The following FBXW11 variants were observed in gnomAD, a reference collection of about 807,000 sequenced individuals.
FBXW11 encodes the protein F-box and WD repeat domain containing 11, also known as F-box/WD repeat-containing protein 11.
In FBXW11, 19 loss-of-function variants were observed where a neutral mutation model predicts 77.6. The ratio of observed to expected loss-of-function variants is 0.24; its 90% CI spans 0.17 to 0.36. FBXW11 has a LOEUF of 0.36. FBXW11 is among the 10% of genes least tolerant of loss of function. The probability of loss-of-function intolerance (pLI) is 1.00; values close to 1 mark genes in which losing one functional copy is unlikely to be tolerated. For missense variants in FBXW11, 334 were observed against 704.2 expected (o/e 0.47, Z 5.95); for synonymous variants, 235 against 249.4 (o/e 0.94, Z 0.54).
At chr5:171,901,630 C>T (rs1321066029) in intron 4 of FBXW11, among the ~76,000 whole-genome samples, 1 of 152,204 alleles carries the variant, frequency 6.6e-6, no homozygotes, top group East Asian at 1.9e-4. Flanking sequence ...AAAGGCTGCA[C>T]TGCCTTCATC....
intron 1 of FBXW11, among the ~76,000 whole-genome samples, chr5:171,991,446 G>A (rs1319290934): frequency 6.6e-6 from 1 of 152,142 alleles, no homozygotes; most frequent in African/African-American, 2.4e-5. Context: ...CAACTGACTA[G>A]CAGATAAAAT....
At chr5:171,965,540 A>T (rs547457495) in intron 1 of FBXW11, among the ~76,000 whole-genome samples, 56 of 152,100 alleles carry the variant, frequency 3.7e-4, no homozygotes, top group East Asian at 7.7e-4. Flanking sequence ...AAATAAAAAA[A>T]AAAAAAAAAA....
At chr5:171,928,550 A>G (rs1045778274) in intron 2 of FBXW11, among the ~76,000 whole-genome samples, 7 of 152,252 alleles carry the variant, frequency 4.6e-5, no homozygotes, top group African/African-American at 1.7e-4. Context: ...GCATGAAGAC[A>G]TATGTATAGA....
chr5:171,971,363 G>A (rs750017681), intron 1 of FBXW11, among the ~76,000 whole-genome samples: 1 of 152,180 alleles, frequency 6.6e-6, no homozygotes, highest in Non-Finnish European at 1.5e-5. Context: ...AACTACTGCA[G>A]AAACAGAGTA....
At chr5:171,921,864 G>A (rs951298485) in intron 2 of FBXW11, among the ~76,000 whole-genome samples, 1 of 152,026 alleles carries the variant, frequency 6.6e-6, no homozygotes, top group Non-Finnish European at 1.5e-5. Flanking sequence ...TTAGCCTCCT[G>A]AGTAGCTAGG....
chr5:171,878,480 G>A (rs1376147078), intron 7 of FBXW11, among the ~76,000 whole-genome samples: 3 of 152,086 alleles, frequency 2.0e-5, no homozygotes, highest in African/African-American at 4.8e-5. Context: ...TTGGGAGGCC[G>A]AGACAGAAGG....
rs1456966642 is a variant in FBXW11 at position 171,967,877 on chromosome 5, TATATATACACACAC to T, written c.46-10193_46-10180del. Among the ~76,000 whole-genome samples the T allele has an allele frequency of 4.8e-3, 279 of 58,604 alleles. 3 individuals are homozygous for T. The highest frequency in any genetic ancestry group is 0.014 in the African/African-American group (264 of 18,920). 38.4% of individuals were successfully genotyped at this position (58,604 alleles called of 152,430 possible). On this transcript the variant is annotated intron_variant, in intron 1 of 13. Coordinates refer to ENST00000517395, the MANE Select transcript of FBXW11 (RefSeq NM_001378974.1). ...ATGCATATATATATATATATATATA[TATATATACACACAC>T]ACACACACACACACACACACACACA... is the stretch of plus-strand genomic sequence containing the variant.
chr5:171,940,722 T>C (rs1321285992), intron 2 of FBXW11, among the ~76,000 whole-genome samples: 1 of 152,094 alleles, frequency 6.6e-6, no homozygotes, highest in African/African-American at 2.4e-5. Context: ...ACCCCGTCTG[T>C]ACTAAAAATA....
chr5:171,900,152 C>A (rs759145948), intron 4 of FBXW11, 52 bp from the exon 5 acceptor site: 13 of 1,440,882 alleles, frequency 9.0e-6, no homozygotes, highest in Non-Finnish European at 1.2e-5. Flanking sequence ...AGAAAGGTAC[C>A]AGCCATCATT....
intron 7 of FBXW11, among the ~76,000 whole-genome samples, chr5:171,883,022 T>C (rs1758628915): frequency 6.6e-6 from 1 of 151,832 alleles, no homozygotes; most frequent in African/African-American, 2.4e-5. Flanking sequence ...TACATAACAG[T>C]GAGAACATAT....
intron 1 of FBXW11, among the ~76,000 whole-genome samples, chr5:171,964,220 T>C (rs1186900294): frequency 6.6e-6 from 1 of 152,220 alleles, no homozygotes; most frequent in East Asian, 1.9e-4. Context: ...TCAGTCTAGG[T>C]CCTTTTTTCT....
chr5:171,901,700 C>T (rs1760124986), intron 4 of FBXW11, among the ~76,000 whole-genome samples: 1 of 152,184 alleles, frequency 6.6e-6, no homozygotes, highest in African/African-American at 2.4e-5. Context: ...AATCCCAGGC[C>T]TCTCCCCCAA....
chr5:171,877,479 A>C (rs1442021784), intron 8 of FBXW11, among the ~76,000 whole-genome samples: 1 of 152,170 alleles, frequency 6.6e-6, no homozygotes, highest in Non-Finnish European at 1.5e-5. Flanking sequence ...GGGATCTGGA[A>C]GCAGCATTTC....
chr5:171,987,884 A>G (rs759127715), intron 1 of FBXW11, among the ~76,000 whole-genome samples: 1 of 152,236 alleles, frequency 6.6e-6, no homozygotes, highest in Non-Finnish European at 1.5e-5. Context: ...AAAGACTACA[A>G]GCTTCTGGAA....
At position 171,874,889 on chromosome 5, in the gene FBXW11, C is replaced by T. The variant is rs550583397; in HGVS notation, c.1221+1396G>A. On this transcript the variant is annotated intron_variant, in intron 9 of 13. Coordinates refer to ENST00000517395, the MANE Select transcript of FBXW11 (RefSeq NM_001378974.1). ...TGAGCCCAGGAGGTCAAGGCTGAAG[C>T]GAACCATGACTGTGTTACTGCACTC... Among the ~76,000 whole-genome samples the T allele has an allele frequency of 4.6e-5, 7 of 150,840 alleles. No individual in the cohort carries two copies. In the East Asian group the frequency reaches 5.9e-4, roughly 13 times the overall value.
rs1413288312 is a variant in FBXW11 at position 171,904,832 on chromosome 5, A to C, written c.437-4732T>G. 6.6e-6 allele frequency among the ~76,000 whole-genome samples: 1 copy of C among 152,128 alleles called. No individual in the cohort carries two copies. Among genetic ancestry groups the C allele is most frequent in the Non-Finnish European group, 1.5e-5 (1 of 68,014 alleles). Reference sequence around the variant, plus strand: ...TGATCCACCCAACTCGGCCTCCCAAAGTGCTGGGATTACAGGTGTGAGCCA... The same window carrying C: ...TGATCCACCCAACTCGGCCTCCCAACGTGCTGGGATTACAGGTGTGAGCCA... On this transcript the variant is annotated intron_variant, in intron 4 of 13. Coordinates refer to ENST00000517395, the MANE Select transcript of FBXW11 (RefSeq NM_001378974.1). This position sits in a 1 kb window ranked among gnomAD's most constrained non-coding sequence, Gnocchi z 4.0.
chr5:171,993,858 A>T (rs990389347), intron 1 of FBXW11, among the ~76,000 whole-genome samples: 2 of 152,192 alleles, frequency 1.3e-5, no homozygotes, highest in Non-Finnish European at 2.9e-5. Flanking sequence ...ATGTCAATTT[A>T]ATTAAAATTA....
intron 7 of FBXW11, among the ~76,000 whole-genome samples, chr5:171,885,205 GT>G (rs1157297811): frequency 6.6e-6 from 1 of 152,204 alleles, no homozygotes; most frequent in African/African-American, 2.4e-5. Flanking sequence ...ACCTAGTATA[GT>G]TTTAAAAGTT....
chr5:171,927,320 CA>C (rs796660605), intron 2 of FBXW11, among the ~76,000 whole-genome samples: 23 of 152,276 alleles, frequency 1.5e-4, no homozygotes, highest in African/African-American at 5.3e-4. Flanking sequence ...CAATATACCT[CA>C]ATTCTTTCAA....
Sources: allele counts gnomAD v4.1 joint callset (sites outside exome capture counted in the v4.1 genomes callset), GRCh38; gene constraint gnomAD v4.1.1; non-coding constraint Gnocchi (gnomAD v3.1); transcripts MANE v1.5; gene names NCBI Gene and HGNC (gene_info 2026-07-23, HGNC 2026-07-21).